The following PCDHA2 variants were observed in gnomAD, a reference collection of about 807,000 sequenced individuals.
The protein encoded by PCDHA2 is protocadherin alpha-2.
In PCDHA2, 58 loss-of-function variants were observed where a neutral mutation model predicts 66.0. The observed-to-expected ratio is 0.88, with a 90% CI of 0.71 to 1.09. PCDHA2 has a LOEUF of 1.09. Among genes scored for constraint, PCDHA2 ranks in the 50% least tolerant of loss-of-function variants. PCDHA2 has a pLI of 0.00. For missense variants in PCDHA2, 1,267 were observed against 1,242.3 expected, an observed-to-expected ratio of 1.02 and a Z score of -0.30; for synonymous variants, 634 against 554.0, an observed-to-expected ratio of 1.14 and a Z score of -2.03.
intron 1 of PCDHA2, chr5:140,823,215 C>T (rs916835953): frequency 6.2e-7 from 1 of 1,613,770 alleles, no homozygotes; most frequent in South Asian, 1.1e-5. Flanking sequence ...CTGCACGGGA[C>T]GCGGACGCGC....
rs193129915 is a variant in PCDHA2 at position 140,907,396 on chromosome 5, T to C, written c.2389-71553T>C. On this transcript the variant is annotated intron_variant, in intron 1 of 3. Coordinates refer to ENST00000526136, the MANE Select transcript of PCDHA2 (RefSeq NM_018905.3). The stretch of plus-strand genomic sequence containing the variant: ...TGAGTGCCTTGGTCAAAGGCAATGC[T>C]GTGTGGAATACCACGATGGTGGATA... Among the ~76,000 whole-genome samples, 1,220 of 152,314 alleles carry C rather than the reference T, an allele frequency of 8.0e-3. 6 individuals are homozygous for C. Among genetic ancestry groups the C allele is most frequent in the African/African-American group, 0.019 (787 of 41,564 alleles).
intron 1 of PCDHA2, chr5:140,926,589 G>T (rs929081687): frequency 1.7e-5 from 5 of 292,778 alleles, no homozygotes; most frequent in Non-Finnish European, 2.5e-5. Flanking sequence ...TCTCGCGCCC[G>T]GGCGGGCGGC....
At chr5:140,908,985 C>G (rs2074252217) in intron 1 of PCDHA2, among the ~76,000 whole-genome samples, 1 of 152,130 alleles carries the variant, frequency 6.6e-6, no homozygotes, top group African/African-American at 2.4e-5. Context: ...CCACTGGACC[C>G]CTAGAAATTT....
At chr5:140,805,566 G>A in intron 1 of PCDHA2, 8 of 964,542 alleles carry the variant, frequency 8.3e-6, no homozygotes, top group Non-Finnish European at 9.9e-6. Context: ...GGCAAGGAAA[G>A]TTTTTAAATG....
intron 1 of PCDHA2, chr5:140,853,593 G>C (rs2042798259): frequency 1.0e-6 from 1 of 986,850 alleles, no homozygotes; most frequent in Admixed American, 6.3e-5. Flanking sequence ...TAGACACTTT[G>C]AGAGCAAAGG....
intron 1 of PCDHA2, among the ~76,000 whole-genome samples, chr5:140,881,865 T>C (rs1380240082): frequency 6.6e-6 from 1 of 152,222 alleles, no homozygotes; most frequent in Non-Finnish European, 1.5e-5. Flanking sequence ...AATAAATTTG[T>C]GGCAAAATGA....
chr5:140,882,204 G>T, intron 1 of PCDHA2: 1 of 1,530,664 alleles, frequency 6.5e-7, no homozygotes. Flanking sequence ...ATTGGGCCTT[G>T]AGAGACAGTT....
chr5:140,822,398 G>A (rs2150116065), intron 1 of PCDHA2: 2 of 1,614,062 alleles, frequency 1.2e-6, no homozygotes, highest in East Asian at 2.2e-5. Context: ...CAAGAACACC[G>A]TTTATTAGTG....
chr5:140,803,361 C>A (rs372773080), intron 1 of PCDHA2: 2 of 1,614,076 alleles, frequency 1.2e-6, no homozygotes, highest in Admixed American at 1.7e-5. Context: ...TACTGCTCTG[C>A]GGTGCTCCGC....
chr5:140,913,099 C>T (rs1413383908), intron 1 of PCDHA2, among the ~76,000 whole-genome samples: 4 of 152,132 alleles, frequency 2.6e-5, no homozygotes, highest in Non-Finnish European at 4.4e-5. Context: ...ATACTGGCCT[C>T]ATAGAATCAG....
Position 140,858,605 on chromosome 5 carries a change from T to A in PCDHA2, c.2388+61253T>A, listed in dbSNP as rs553423419. On this transcript the variant is annotated intron_variant, in intron 1 of 3. Coordinates refer to ENST00000526136, the MANE Select transcript of PCDHA2 (RefSeq NM_018905.3). ...ATAATTTATTCCAGGAGTTTTAAAA[T>A]TTTTTTATCCTACCCAGTGTGTCAG... 1.7e-5 allele frequency: 21 copies of A among 1,265,750 alleles called. 2 individuals are homozygous for A. Among genetic ancestry groups the A allele is most frequent in the African/African-American group, 1.5e-4 (10 of 66,840 alleles). 78.4% of individuals were successfully genotyped at this position (1,265,750 alleles called of 1,614,324 possible).
intron 1 of PCDHA2, chr5:140,830,325 T>A: frequency 6.2e-7 from 1 of 1,613,570 alleles, no homozygotes. Context: ...TCCAGCGCAG[T>A]GGGGAGCTGG....
intron 1 of PCDHA2, among the ~76,000 whole-genome samples, chr5:140,963,581 G>A (rs2095775682): frequency 6.6e-6 from 1 of 152,210 alleles, no homozygotes; most frequent in Non-Finnish European, 1.5e-5. Flanking sequence ...TTCTCAAAAT[G>A]TAGGATATAG....
intron 1 of PCDHA2, chr5:140,870,719 C>A (rs782257127): frequency 1.9e-6 from 3 of 1,613,084 alleles, no homozygotes; most frequent in Admixed American, 3.3e-5. Flanking sequence ...GCGCGCGATG[C>A]GGGCGTGCCG....
rs781823139 is a variant in PCDHA2, at chr5:140,797,254, C to G, written c.2290C>G (p.Pro764Ala). 5 of 1,614,044 alleles carry G rather than the reference C, an allele frequency of 3.1e-6. No individual in the cohort carries two copies. The highest frequency in any genetic ancestry group is 4.2e-6 in the Non-Finnish European group (5 of 1,180,022). ...GCAGAGGGTGTGCTCTGGGGAGGACCCCCCCAAGACGGACCTCATGGCCTT... is the reference window on the plus strand; with the variant it reads ...GCAGAGGGTGTGCTCTGGGGAGGACGCCCCCAAGACGGACCTCATGGCCTT... ...RRQRVCSGED[P>A]PKTDLMAFSP... Residue 764 changes from proline to alanine, a missense_variant, in exon 1 of 4, where the codon CCC becomes GCC. By Grantham distance (27) the Pro-to-Ala change is conservative. Coordinates refer to ENST00000526136, the MANE Select transcript of PCDHA2 (RefSeq NM_018905.3).
intron 1 of PCDHA2, among the ~76,000 whole-genome samples, chr5:140,839,991 G>A (rs1554137668): frequency 1.3e-5 from 2 of 152,072 alleles, no homozygotes; most frequent in Admixed American, 1.3e-4. Flanking sequence ...AAAGTGGTTA[G>A]CCTTAGCACT....
intron 1 of PCDHA2, among the ~76,000 whole-genome samples, chr5:140,907,086 A>T (rs1042352534): frequency 6.6e-6 from 1 of 152,136 alleles, no homozygotes; most frequent in East Asian, 1.9e-4. Context: ...GGTGATGGTA[A>T]GTGGTGCCAC....
At chr5:140,863,231 C>A in intron 1 of PCDHA2, 2 of 1,227,658 alleles carry the variant, frequency 1.6e-6, no homozygotes, top group Non-Finnish European at 2.3e-6. Context: ...AAGGTCCCAT[C>A]GCGGGCTTTG....
At chr5:140,966,253 G>A in intron 1 of PCDHA2, 1 of 328,324 alleles carries the variant, frequency 3.0e-6, no homozygotes, top group South Asian at 1.5e-4. Context: ...GGGGAGAGAC[G>A]GTGGAGACTG....
Sources: gnomAD v4.1 joint callset for allele counts (sites outside exome capture counted in the v4.1 genomes callset) on GRCh38, gnomAD v4.1.1 for gene constraint, MANE v1.5 for transcripts, NCBI Gene and HGNC (gene_info 2026-07-23, HGNC 2026-07-21) for gene names.